The following KCNN2 variants were observed in gnomAD, a reference collection of about 807,000 sequenced individuals.
The protein encoded by KCNN2 is small conductance calcium-activated potassium channel protein 2.
KCNN2 carries 24 observed loss-of-function variants against 55.5 expected under a neutral mutation model. The ratio of observed to expected loss-of-function variants is 0.43; its 90% CI spans 0.31 to 0.61. The LOEUF is 0.61. Among genes scored for constraint, KCNN2 ranks in the 20% least tolerant of loss-of-function variants. The pLI is 0.08. For missense variants in KCNN2, 754 were observed against 853.6 expected (o/e 0.88, Z 1.45); for synonymous variants, 431 against 336.1 (o/e 1.28, Z -3.09).
At chr5:114,124,398 G>A (rs945914486) in intron 1 of KCNN2, among the ~76,000 whole-genome samples, 6 of 152,132 alleles carry the variant, frequency 3.9e-5, no homozygotes, top group Non-Finnish European at 7.4e-5. Context: ...TGGGCGGTGA[G>A]GTAAGGGACA....
At chr5:114,389,130 C>T (rs1466589130) in intron 2 of KCNN2, among the ~76,000 whole-genome samples, 1 of 151,588 alleles carries the variant, frequency 6.6e-6, no homozygotes, top group Non-Finnish European at 1.5e-5. Context: ...TGTGTCTTTC[C>T]TCTCTGTCAA....
intron 1 of KCNN2, among the ~76,000 whole-genome samples, chr5:114,215,582 T>A (rs1014302737): frequency 1.3e-5 from 2 of 152,108 alleles, no homozygotes; most frequent in Non-Finnish European, 2.9e-5. Flanking sequence ...AGACATAAAA[T>A]TATGCTACAA....
chr5:114,383,647 T>C (rs1413910295), intron 2 of KCNN2, among the ~76,000 whole-genome samples: 1 of 152,200 alleles, frequency 6.6e-6, no homozygotes, highest in African/African-American at 2.4e-5. Context: ...TTTGTATTTT[T>C]AGTAGGGACA....
intron 2 of KCNN2, among the ~76,000 whole-genome samples, chr5:114,225,666 A>C (rs186938527): frequency 2.8e-4 from 42 of 152,258 alleles, no homozygotes; most frequent in Admixed American, 8.5e-4. Flanking sequence ...ATAAAGAAAA[A>C]AATCCAAGTT....
Position 114,496,010 on chromosome 5 carries a change from C to T in KCNN2, c.2204C>T (p.Ala735Val), listed in dbSNP as rs752059826. Residue 735 changes from alanine (A) to valine (V), a missense_variant, in exon 8 of 8, where the codon GCC (alanine) becomes GTC (valine). This residue lies in a region of KCNN2 where 164 missense variants were observed against 156.6 expected (regional missense o/e 1.05). Transcript: ENST00000673685. Reference sequence around the variant, plus strand: ...GAGACTTTGATTGGTAGCATCCACGCCCTCCCTGGGCTCATAAGCCAGACC... The same window carrying T: ...GAGACTTTGATTGGTAGCATCCACGTCCTCCCTGGGCTCATAAGCCAGACC... The part of the protein sequence containing the change: ...KLETLIGSIH[A>V]LPGLISQTIR... The T allele has an allele frequency of 3.1e-6, 5 of 1,613,940 alleles. No individual in the cohort carries two copies. Among genetic ancestry groups the T allele is most frequent in the East Asian group, 2.2e-5 (1 of 44,860 alleles).
At chr5:114,373,924 G>A (rs1757856194) in intron 2 of KCNN2, among the ~76,000 whole-genome samples, 1 of 151,572 alleles carries the variant, frequency 6.6e-6, no homozygotes, top group Admixed American at 6.6e-5. Flanking sequence ...ATATTTTTAA[G>A]TGAAAGCATT....
chr5:114,412,492 G>A (rs1028601620), intron 3 of KCNN2, among the ~76,000 whole-genome samples: 2 of 152,194 alleles, frequency 1.3e-5, no homozygotes, highest in East Asian at 3.8e-4. Flanking sequence ...AACAGTTTCA[G>A]TGTTTTTTAT....
intron 1 of KCNN2, among the ~76,000 whole-genome samples, chr5:114,191,809 T>C (rs1753456146): frequency 6.6e-6 from 1 of 152,152 alleles, no homozygotes; most frequent in African/African-American, 2.4e-5. Context: ...ACAATGTATT[T>C]CCCTGGAAAA....
At chr5:114,493,661 C>T (rs1747971277) in intron 7 of KCNN2, among the ~76,000 whole-genome samples, 189 bp downstream of exon 7, 1 of 152,096 alleles carries the variant, frequency 6.6e-6, no homozygotes, top group East Asian at 1.9e-4. Flanking sequence ...GTACTCTTTC[C>T]CTATTACGTT....
intron 2 of KCNN2, among the ~76,000 whole-genome samples, chr5:114,383,288 A>G (rs935742116): frequency 1.8e-4 from 28 of 152,058 alleles, no homozygotes; most frequent in Admixed American, 3.3e-4. Flanking sequence ...TCTCTCATTC[A>G]TGTAGTATTT....
At chr5:114,190,942 T>A (rs564264672) in intron 1 of KCNN2, among the ~76,000 whole-genome samples, 101 of 152,270 alleles carry the variant, frequency 6.6e-4, no homozygotes, top group Admixed American at 1.1e-3. Context: ...CCTAAGGTTA[T>A]TGACTCTCAA....
At chr5:114,128,714 C>T (rs777144283) in intron 1 of KCNN2, among the ~76,000 whole-genome samples, 2 of 152,170 alleles carry the variant, frequency 1.3e-5, no homozygotes, top group Non-Finnish European at 2.9e-5. Flanking sequence ...GGATCATTAA[C>T]ACTAAATTAG....
chr5:114,359,033 G>A (rs970377037), upstream of KCNN2, among the ~76,000 whole-genome samples: 1 of 152,070 alleles, frequency 6.6e-6, no homozygotes, highest in Non-Finnish European at 1.5e-5. Context: ...AGTAATACAG[G>A]TTTACCACAC....
intron 5 of KCNN2, chr5:114,486,752 C>A: frequency 7.7e-7 from 1 of 1,299,186 alleles, no homozygotes; most frequent in Non-Finnish European, 1.0e-6. Flanking sequence ...AACTCAACAC[C>A]CCTTGATTAA....
chr5:114,072,595 A>G (rs1215201092), intron 1 of KCNN2, among the ~76,000 whole-genome samples: 2 of 152,204 alleles, frequency 1.3e-5, no homozygotes, highest in Non-Finnish European at 2.9e-5. Context: ...ATTTCTGTCC[A>G]TTATAAATTA....
At chr5:114,268,796 A>G (rs1755259407) in intron 2 of KCNN2, among the ~76,000 whole-genome samples, 1 of 152,102 alleles carries the variant, frequency 6.6e-6, no homozygotes, top group African/African-American at 2.4e-5. Flanking sequence ...TTTCATTTTC[A>G]CTATCTTAGA....
Position 114,496,213 on chromosome 5 carries a change from T to C in KCNN2, c.*31T>C. The C allele has an allele frequency of 6.2e-7, 1 of 1,605,544 alleles. No individual in the cohort carries two copies. Among genetic ancestry groups the C allele is most frequent in the South Asian group, 1.1e-5 (1 of 90,804 alleles). ...AATAAGTTAACCACAAAATAAGACT[T>C]TTTGCCATCATATGGTCAATATTTT... On this transcript the variant is annotated 3_prime_UTR_variant, in exon 8 of 8. Transcript: ENST00000673685.
At chr5:114,433,782 C>G (rs1759893947) in intron 3 of KCNN2, 1 of 153,840 alleles carries the variant, frequency 6.5e-6, no homozygotes, top group Admixed American at 6.5e-5. Flanking sequence ...CAGGAACCCA[C>G]CAGAAGGAAG....
At chr5:114,226,237 TA>T (rs1245573343) in intron 2 of KCNN2, among the ~76,000 whole-genome samples, 1 of 152,234 alleles carries the variant, frequency 6.6e-6, no homozygotes, top group Non-Finnish European at 1.5e-5. Context: ...TAGAGTGTTT[TA>T]TTTTTTTCAA....
Sources: gnomAD v4.1 joint callset for allele counts (sites outside exome capture counted in the v4.1 genomes callset) on GRCh38, gnomAD v4.1.1 for gene constraint, gnomAD v4.1.1 regional missense constraint, MANE v1.5 for transcripts, NCBI Gene and HGNC (gene_info 2026-07-23, HGNC 2026-07-21) for gene names.